PRKD1: variants seen among roughly 807,000 people sequenced by gnomAD.
The protein encoded by PRKD1 is protein kinase D1.
In PRKD1, 63 loss-of-function variants were observed where a neutral mutation model predicts 95.9. The observed-to-expected ratio is 0.66, with a 90% CI of 0.54 to 0.81. The LOEUF (loss-of-function observed/expected upper bound fraction) is 0.81. Among genes scored for constraint, PRKD1 ranks in the 30% least tolerant of loss-of-function variants. The pLI is 0.00. For synonymous variants in PRKD1, 425 were observed against 423.1 expected, an observed-to-expected ratio of 1.00 and a Z score of -0.05; for missense variants, 1,048 against 1,165.3, an observed-to-expected ratio of 0.90 and a Z score of 1.47.
intron 1 of PRKD1, among the ~76,000 whole-genome samples, chr14:29,819,923 A>G (rs1890844676): frequency 6.6e-6 from 1 of 152,168 alleles, no homozygotes; most frequent in Non-Finnish European, 1.5e-5. Context: ...AGGACACAAA[A>G]GCAGAGTCCC....
chr14:29,604,758 A>G (rs190324302), intron 13 of PRKD1, among the ~76,000 whole-genome samples: 84 of 152,334 alleles, frequency 5.5e-4, no homozygotes, highest in Admixed American at 5.4e-3. Flanking sequence ...TAGAGAATAA[A>G]AAGTCATCTT....
intron 1 of PRKD1, among the ~76,000 whole-genome samples, chr14:29,758,091 G>T (rs974823603): frequency 6.6e-6 from 1 of 151,848 alleles, no homozygotes; most frequent in South Asian, 2.1e-4. Flanking sequence ...TGCACTGCAT[G>T]GAAGCCAGTA....
At chr14:29,870,061 G>C (rs956824538) in intron 1 of PRKD1, among the ~76,000 whole-genome samples, 2 of 152,082 alleles carry the variant, frequency 1.3e-5, no homozygotes. Context: ...TTATTACCGA[G>C]GTGGGGCAAA....
chr14:29,865,666 A>G (rs72660436), intron 1 of PRKD1, among the ~76,000 whole-genome samples: 2 of 152,330 alleles, frequency 1.3e-5, no homozygotes, highest in Non-Finnish European at 2.9e-5. Context: ...CTCCAGAACC[A>G]GAAGACAAAT....
At chr14:29,676,669 C>G (rs1883244207) in intron 2 of PRKD1, among the ~76,000 whole-genome samples, 1 of 152,090 alleles carries the variant, frequency 6.6e-6, no homozygotes, top group South Asian at 2.1e-4. Flanking sequence ...AGTTTTTAAC[C>G]TGTTTAGTAC....
At chr14:29,737,566 T>G (rs1438547956) in intron 1 of PRKD1, among the ~76,000 whole-genome samples, 1 of 152,140 alleles carries the variant, frequency 6.6e-6, no homozygotes, top group East Asian at 1.9e-4. Context: ...GCAAAGAAAT[T>G]TAAAAGGTAC....
At chr14:29,848,180 A>G (rs1335239248) in intron 1 of PRKD1, among the ~76,000 whole-genome samples, 2 of 152,130 alleles carry the variant, frequency 1.3e-5, no homozygotes, top group Non-Finnish European at 2.9e-5. Context: ...TATAGGAGCC[A>G]AGATGGGCAA....
At chr14:29,662,951 A>C (rs1031674713) in intron 4 of PRKD1, among the ~76,000 whole-genome samples, 9 of 150,954 alleles carry the variant, frequency 6.0e-5, no homozygotes, top group Middle Eastern at 7.0e-3. Context: ...TAATTCACAT[A>C]ATTACCACAA....
chr14:29,677,080 A>T (rs921139814), intron 2 of PRKD1, among the ~76,000 whole-genome samples: 1 of 152,194 alleles, frequency 6.6e-6, no homozygotes, highest in Non-Finnish European at 1.5e-5. Flanking sequence ...GAGAGAATTT[A>T]ACAACAACAA....
rs567329196 is a variant in PRKD1, at chr14:29,904,738, G to A, written c.264+22511C>T. Among the ~76,000 whole-genome samples, 4 of 152,274 alleles carry A rather than the reference G, an allele frequency of 2.6e-5. No individual in the cohort carries two copies. The South Asian group carries it at 8.3e-4, about 32-fold the overall frequency. On this transcript the variant is annotated intron_variant, in intron 1 of 17. Coordinates refer to ENST00000331968, the MANE Select transcript of PRKD1 (RefSeq NM_002742.3). ...TAGGGATATATGCTGAGTTCAAACA[G>A]CTTAGCTCATAATTCTTATCCATAG...
intron 4 of PRKD1, among the ~76,000 whole-genome samples, chr14:29,646,744 C>CA (rs1235901853): frequency 3.6e-5 from 5 of 139,534 alleles, no homozygotes; most frequent in Non-Finnish European, 7.7e-5. Context: ...AACAAACAAA[C>CA]AAAAAACGAA....
intron 13 of PRKD1, among the ~76,000 whole-genome samples, chr14:29,613,089 C>T (rs1336779082): frequency 8.3e-6 from 1 of 120,058 alleles, no homozygotes; most frequent in African/African-American, 2.8e-5. Flanking sequence ...CAGAGCGAGA[C>T]TCTGTCTCAA....
rs773451297 is a variant in PRKD1, at chr14:29,624,190, G to C, written c.1867C>G (p.Gln623Glu). 1.2e-6 allele frequency: 2 copies of C among 1,604,262 alleles called. No homozygotes were observed. The highest frequency in any genetic ancestry group is 2.7e-5 in the African/African-American group (2 of 74,524). The change falls in exon 13 of 18, where the codon CAA becomes GAA. Residue 623 changes from glutamine to glutamate, a missense_variant. By Grantham distance (29) the Gln-to-Glu change is conservative (BLOSUM62 2). This residue lies in a region of PRKD1 where 739 missense variants were observed against 861.9 expected (regional missense o/e 0.86). Transcript: ENST00000331968. Reference protein sequence around the residue: ...IIDKLRFPTKQESQLRNEVAI... With the variant: ...IIDKLRFPTKEESQLRNEVAI... ...ACCTCATTACGAAGCTGGCTTTCTT[G>C]TTTTGTTGGAAATCGTAATTTGTCA... is the stretch of plus-strand genomic sequence containing the variant.
intron 1 of PRKD1, among the ~76,000 whole-genome samples, chr14:29,756,125 A>C (rs1887686104): frequency 6.6e-6 from 1 of 152,118 alleles, no homozygotes; most frequent in Non-Finnish European, 1.5e-5. Context: ...AAGTTCTGGC[A>C]CTCTCAATAC....
At chr14:29,587,509 T>C (rs1043825404) in intron 16 of PRKD1, among the ~76,000 whole-genome samples, 26 of 152,210 alleles carry the variant, frequency 1.7e-4, no homozygotes, top group African/African-American at 6.3e-4. Flanking sequence ...GAAATATTTC[T>C]ATTTTGAATG....
At chr14:29,604,730 C>T (rs938882311) in intron 13 of PRKD1, among the ~76,000 whole-genome samples, 5 of 152,134 alleles carry the variant, frequency 3.3e-5, no homozygotes, top group Non-Finnish European at 7.3e-5. Flanking sequence ...TAAAGGGAAA[C>T]AGACTATACT....
chr14:29,729,514 C>G (rs1886329872), intron 1 of PRKD1, among the ~76,000 whole-genome samples: 1 of 151,948 alleles, frequency 6.6e-6, no homozygotes, highest in Non-Finnish European at 1.5e-5. Flanking sequence ...GTAGTGATGT[C>G]TCTTCATTAA....
At chr14:29,801,355 C>T (rs140348082) in intron 1 of PRKD1, among the ~76,000 whole-genome samples, 244 of 152,250 alleles carry the variant, frequency 1.6e-3, no homozygotes, top group African/African-American at 5.7e-3. Context: ...AGTGTTTAAT[C>T]AAGAACTGGC....
chr14:29,591,476 C>CA (rs1893127281), intron 16 of PRKD1, among the ~76,000 whole-genome samples: 1 of 152,072 alleles, frequency 6.6e-6, no homozygotes, highest in African/African-American at 2.4e-5. Flanking sequence ...TTTGAAAGGG[C>CA]AGTCCATGGA....
Sources: gnomAD v4.1 joint callset for allele counts (sites outside exome capture counted in the v4.1 genomes callset) on GRCh38, gnomAD v4.1.1 for gene constraint, gnomAD v4.1.1 regional missense constraint, MANE v1.5 for transcripts, NCBI Gene and HGNC (gene_info 2026-07-23, HGNC 2026-07-21) for gene names.